The following EXOC3L4 variants were observed in gnomAD, a reference collection of about 807,000 sequenced individuals.
EXOC3L4 encodes exocyst complex component 3-like protein 4.
A neutral mutation model predicts 69.7 loss-of-function variants in EXOC3L4; 62 were observed. The ratio of observed to expected loss-of-function variants is 0.89; its 90% confidence interval spans 0.72 to 1.10. The LOEUF (loss-of-function observed/expected upper bound fraction) is 1.10, where lower values mean the gene tolerates loss of function less well. Among genes scored for constraint, EXOC3L4 ranks in the 50% least tolerant of loss-of-function variants. EXOC3L4 has a pLI of 0.00. For synonymous variants in EXOC3L4, 502 were observed against 464.2 expected, an observed-to-expected ratio of 1.08 and a Z score of -1.05; for missense variants, 1,087 against 1,034.8, an observed-to-expected ratio of 1.05 and a Z score of -0.69.
chr14:103,108,270 C>A, intron 10 of EXOC3L4, 126 bp from the exon 11 acceptor site: 1 of 1,407,844 alleles, frequency 7.1e-7, no homozygotes, highest in Admixed American at 2.1e-5. Context: ...CGGCACCGAG[C>A]CAGAGTGACT....
At position 103,100,377 on chromosome 14, in the gene EXOC3L4, T is replaced by C. The variant is rs1222077289; in HGVS notation, c.158T>C (p.Leu53Pro). The change falls in exon 2 of 12, where the codon CTG (leucine) becomes CCG (proline). Residue 53 changes from leucine (L) to proline (P), a missense_variant. Physicochemically the swap from Leu to Pro is moderately conservative, Grantham distance 98. Coordinates refer to ENST00000688303, the MANE Select transcript of EXOC3L4 (RefSeq NM_001077594.2). ...KDGTRLGLGSLRQAFSRASQR... is the reference protein window; with the variant it reads ...KDGTRLGLGSPRQAFSRASQR... The stretch of plus-strand genomic sequence containing the variant: ...GGCACAAGGCTGGGCCTGGGCTCCC[T>C]GAGGCAGGCCTTCTCCCGGGCCAGC... 6.2e-7 allele frequency: 1 copy of C among 1,608,334 alleles called. No homozygotes were observed. The highest frequency in any genetic ancestry group is 8.5e-7 in the Non-Finnish European group (1 of 1,177,362).
chr14:103,102,922 C>T (rs1344739318), intron 3 of EXOC3L4, 150 bp downstream of exon 3: 2 of 862,552 alleles, frequency 2.3e-6, no homozygotes, highest in South Asian at 4.1e-5. Context: ...ATGCTTTCCT[C>T]GGCGGGTTAG....
Position 103,104,268 on chromosome 14 carries a change from C to T in EXOC3L4, c.1163C>T (p.Ala388Val). 6.3e-7 allele frequency: 1 copy of T among 1,587,930 alleles called. No individual in the cohort carries two copies. Among genetic ancestry groups the T allele is most frequent in the Non-Finnish European group, 8.6e-7 (1 of 1,169,042 alleles). The change falls in exon 5 of 12, where the codon GCC becomes GTC. Residue 388 changes from alanine to valine, a missense_variant and splice_region_variant. By Grantham distance (64) the Ala-to-Val change is moderately conservative. Coordinates refer to ENST00000688303, the MANE Select transcript of EXOC3L4 (RefSeq NM_001077594.2). ...ACGGCCCATCCCTTCTCCCCCCAGG[C>T]CAAGATCGCAAGCTGCTTCGACAGC... The part of the protein sequence containing the change: ...LESDYTSFLE[A>V]KIASCFDSIL...
At chr14:103,107,603 A>T in intron 9 of EXOC3L4, 28 bp from the exon 10 acceptor site, 1 of 1,602,186 alleles carries the variant, frequency 6.2e-7, no homozygotes, top group African/African-American at 1.3e-5. Flanking sequence ...GTTGACCCTG[A>T]CCCTGACCCT....
At chr14:103,100,677 C>T in intron 2 of EXOC3L4, 64 bp downstream of exon 2, 1 of 1,500,758 alleles carries the variant, frequency 6.7e-7, no homozygotes, top group Admixed American at 2.3e-5. Flanking sequence ...GGCAGCTCAG[C>T]TGAGGTTTCC....
In EXOC3L4 at chr14:103,110,146, G is replaced by T; in HGVS notation, c.2092G>T (p.Glu698Ter). 1 of 1,548,472 alleles carries T rather than the reference G, an allele frequency of 6.5e-7. No homozygotes were observed. Among genetic ancestry groups the T allele is most frequent in the South Asian group, 1.2e-5 (1 of 83,994 alleles). The part of the protein sequence containing the change: ...LRAAAGAAGA[E>*]APRGRVLFEE... ...AGCTGCGGCCGGGGCGGCGGGTGCGGAGGCCCCTCGGGGCCGCGTGCTCTT... is the reference window on the plus strand; with the variant it reads ...AGCTGCGGCCGGGGCGGCGGGTGCGTAGGCCCCTCGGGGCCGCGTGCTCTT... The change falls in exon 12 of 12, where the codon GAG (glutamate) becomes TAG (stop). Residue 698 changes from glutamate to a stop codon, truncating the protein, a stop_gained. Coordinates refer to ENST00000688303, the MANE Select transcript of EXOC3L4 (RefSeq NM_001077594.2). LOFTEE classifies it low-confidence loss of function (END_TRUNC).
In EXOC3L4 at chr14:103,097,550, G is replaced by A. The variant is rs1332481444; in HGVS notation, c.-16-2654G>A. Among the ~76,000 whole-genome samples the A allele has an allele frequency of 6.6e-6, 1 of 152,194 alleles. No individual in the cohort carries two copies. The highest frequency in any genetic ancestry group is 2.4e-5 in the African/African-American group (1 of 41,428). On this transcript the variant is annotated intron_variant, in intron 1 of 11. Transcript: ENST00000688303. The surrounding 1 kb of genome is among the most constrained non-coding windows in gnomAD (Gnocchi z 4.9). ...ATGGCAGCAGGCAGGCCAGCCGGGGGTGGCAGGGCGACCCTGATACCGATG... is the reference window on the plus strand; with the variant it reads ...ATGGCAGCAGGCAGGCCAGCCGGGGATGGCAGGGCGACCCTGATACCGATG...
In EXOC3L4 at chr14:103,106,809, A is replaced by C; in HGVS notation, c.1491A>C (p.Pro497=). The C allele has an allele frequency of 1.3e-6, 2 of 1,591,310 alleles. No individual in the cohort carries two copies. Among genetic ancestry groups the C allele is most frequent in the Non-Finnish European group, 1.7e-6 (2 of 1,168,126 alleles). Residue 497 remains proline, a synonymous_variant, in exon 8 of 12, where the codon CCA becomes CCC. Transcript: ENST00000688303. ...GGACCAGTCTTCTCTCCAGGTTCCC[A>C]GGAACCCAAGAGGAGCTGGAGAAGC... ...ELRTSLLSRF[P]GTQEELEKPL... is the part of the protein sequence containing the mutation.
Position 103,102,133 on chromosome 14 carries a change from C to A in EXOC3L4, c.410C>A (p.Ala137Asp), listed in dbSNP as rs767748101. The change falls in exon 3 of 12, where the codon GCC becomes GAC. Residue 137 changes from alanine to aspartate, a missense_variant. Ala to Asp is a moderately radical substitution (Grantham distance 126). Coordinates refer to ENST00000688303, the MANE Select transcript of EXOC3L4 (RefSeq NM_001077594.2). ...GCCTGTGCAGAAGGCAAATCCGTGG[C>A]CGACCTCATTACTGAACGGCAACTG... ...LKPEAEGKSV[A>D]DLITERQLLA... is the part of the protein sequence containing the mutation. The A allele has an allele frequency of 3.1e-6, 5 of 1,604,774 alleles. No individual in the cohort carries two copies. In the Admixed American group the frequency reaches 5.1e-5, roughly 16 times the overall value.
chr14:103,102,859 C>T, intron 3 of EXOC3L4, 87 bp downstream of exon 3: 4 of 1,219,250 alleles, frequency 3.3e-6, no homozygotes, highest in Non-Finnish European at 4.2e-6. Flanking sequence ...GAGCACCGGA[C>T]CTTTCTTCTC....
At position 103,109,955 on chromosome 14, in the gene EXOC3L4, G is replaced by C. The variant is rs28418471; in HGVS notation, c.1977-76G>C. On this transcript the variant is annotated intron_variant, in intron 11 of 11. Coordinates refer to ENST00000688303, the MANE Select transcript of EXOC3L4 (RefSeq NM_001077594.2). ...GTGACTCATACTAACTCCCAAGCCCGTGGGTTCGCCTCATGCTGGGGCTGG... is the reference window on the plus strand; with the variant it reads ...GTGACTCATACTAACTCCCAAGCCCCTGGGTTCGCCTCATGCTGGGGCTGG... 17 of 1,442,376 alleles carry C rather than the reference G, an allele frequency of 1.2e-5. No individual in the cohort carries two copies. The Middle Eastern group carries it at 5.7e-4, about 48-fold the overall frequency. The allele number at this position is 1,442,376 out of a possible 1,614,324, so 89.3% of individuals were successfully genotyped here. A position where few individuals can be genotyped will look rare whatever the true frequency, so the allele number is the denominator to read the frequency against.
In EXOC3L4 at chr14:103,103,957, G is replaced by T; in HGVS notation, c.1066G>T (p.Ala356Ser). 1.9e-6 allele frequency: 3 copies of T among 1,545,012 alleles called. No individual in the cohort carries two copies. Among genetic ancestry groups the T allele is most frequent in the Non-Finnish European group, 2.6e-6 (3 of 1,150,842 alleles). ...NVYGSPDFLG[A>S]PGLALPAEPL... is the part of the protein sequence containing the mutation. ...GTCTTCCAGTCCTGACTTCCTGGGC[G>T]CCCCGGGGCTGGCGCTGCCCGCCGA... Residue 356 changes from alanine (A) to serine (S), a missense_variant, in exon 4 of 12, where the codon GCC becomes TCC. Ala to Ser is a moderately conservative substitution (Grantham distance 99, BLOSUM62 1). Transcript: ENST00000688303.
chr14:103,110,003 T>C (rs1357719226), intron 11 of EXOC3L4, 28 bp from the exon 12 acceptor site: 1 of 1,563,918 alleles, frequency 6.4e-7, no homozygotes, highest in Non-Finnish European at 8.7e-7. Flanking sequence ...GGTGTAGGTC[T>C]GCAGTGAGTG....
chr14:103,095,836 AG>A (rs1298141453), intron 1 of EXOC3L4, among the ~76,000 whole-genome samples: 1 of 152,238 alleles, frequency 6.6e-6, no homozygotes, highest in African/African-American at 2.4e-5. Context: ...TTTCAGCCTC[AG>A]ATTTTCTAAG....
At position 103,105,056 on chromosome 14, in the gene EXOC3L4, G is replaced by T; in HGVS notation, c.1450G>T (p.Ala484Ser). Residue 484 changes from alanine to serine, a missense_variant, in exon 7 of 12, where the codon GCC (alanine) becomes TCC (serine). By Grantham distance (99) the Ala-to-Ser change is moderately conservative. Transcript: ENST00000688303. ...GCCGCACCTGGGCGCCTACATCAAC[G>T]CCTGCGAGGAGCTCAGGTAGGGCTC... ...SEPHLGAYIN[A>S]CEELRTSLLS... 1 of 1,611,324 alleles carries T rather than the reference G, an allele frequency of 6.2e-7. No individual in the cohort carries two copies. The highest frequency in any genetic ancestry group is 8.5e-7 in the Non-Finnish European group (1 of 1,177,940).
intron 7 of EXOC3L4, among the ~76,000 whole-genome samples, chr14:103,106,408 T>C (rs865849308): frequency 5.3e-5 from 8 of 152,348 alleles, no homozygotes; most frequent in Middle Eastern, 3.4e-3. Context: ...CTGCGGGGAC[T>C]GCGTATAGCC....
intron 10 of EXOC3L4, 27 bp from the exon 11 acceptor site, chr14:103,108,369 G>T: frequency 6.2e-7 from 1 of 1,609,720 alleles, no homozygotes; most frequent in African/African-American, 1.3e-5. Context: ...GAGGGCTGTT[G>T]GGGCAGGCGG....
intron 2 of EXOC3L4, among the ~76,000 whole-genome samples, chr14:103,101,096 CG>C (rs1890164224): frequency 6.6e-6 from 1 of 151,668 alleles, no homozygotes; most frequent in Non-Finnish European, 1.5e-5. Context: ...TTTAGTAAGA[CG>C]GGGTTTCACC....
At chr14:103,107,181 A>G (rs540903485) in intron 8 of EXOC3L4, among the ~76,000 whole-genome samples, 28 of 152,242 alleles carry the variant, frequency 1.8e-4, no homozygotes, top group African/African-American at 6.7e-4. Context: ...CCAGTCCCTC[A>G]AGGCTTCTCC....
Sources: allele counts gnomAD v4.1 joint callset (sites outside exome capture counted in the v4.1 genomes callset), GRCh38; gene constraint gnomAD v4.1.1; non-coding constraint Gnocchi (gnomAD v3.1); transcripts MANE v1.5; gene names NCBI Gene and HGNC (gene_info 2026-07-23, HGNC 2026-07-21).